Variants in ENKUR observed in about 807,000 individuals in gnomAD.
The protein encoded by ENKUR is enkurin.
In ENKUR, 19 loss-of-function variants were observed where a neutral mutation model predicts 27.6. The ratio of observed to expected loss-of-function variants is 0.69; its 90% CI spans 0.48 to 1.01. ENKUR has a LOEUF of 1.01. Among genes scored for constraint, ENKUR ranks in the 50% least tolerant of loss-of-function variants. The pLI, the probability that ENKUR is intolerant of heterozygous loss-of-function variation, is 0.00. For synonymous variants in ENKUR, 117 were observed against 96.9 expected, an observed-to-expected ratio of 1.21 and a Z score of -1.22; for missense variants, 312 against 310.5, an observed-to-expected ratio of 1.00 and a Z score of -0.04.
chr10:25,028,169 C>T (rs1433615152), intron 2 of ENKUR, among the ~76,000 whole-genome samples: 2 of 152,118 alleles, frequency 1.3e-5, no homozygotes, highest in African/African-American at 4.8e-5. Flanking sequence ...ATGAAATGCC[C>T]AAGGGTTCAT....
At chr10:25,059,280 C>T (rs374868081) in intron 2 of ENKUR, among the ~76,000 whole-genome samples, 39 of 151,564 alleles carry the variant, frequency 2.6e-4, no homozygotes, top group East Asian at 2.0e-3. Context: ...TACAGGTGCC[C>T]GCCACCACAC....
At chr10:25,016,959 G>A (rs1265555513), upstream of ENKUR, among the ~76,000 whole-genome samples, 1 of 152,130 alleles carries the variant, frequency 6.6e-6, no homozygotes, top group Non-Finnish European at 1.5e-5. Context: ...GCGCAGCCCT[G>A]CCCGCCACGT....
chr10:25,056,244 G>A (rs1176881654), intron 2 of ENKUR, among the ~76,000 whole-genome samples: 1 of 152,176 alleles, frequency 6.6e-6, no homozygotes, highest in East Asian at 1.9e-4. Flanking sequence ...AAGCACTTAT[G>A]TCACTCATAT....
intron 2 of ENKUR, among the ~76,000 whole-genome samples, chr10:25,041,960 G>A (rs1851069364): frequency 6.6e-6 from 1 of 152,032 alleles, no homozygotes; most frequent in Non-Finnish European, 1.5e-5. Flanking sequence ...CCAGACATTA[G>A]TTTTCTTTTG....
Position 24,983,592 on chromosome 10 carries a change from C to G in ENKUR, c.*778G>C, listed in dbSNP as rs1216671072. The G allele has an allele frequency of 6.6e-6, 1 of 152,118 alleles. No homozygotes were observed. The highest frequency in any genetic ancestry group is 1.5e-5 in the Non-Finnish European group (1 of 68,014). 9.4% of individuals were successfully genotyped at this position (152,118 alleles called of 1,614,324 possible). ...AAAGGAATAAAGATACTCATATGGA[C>G]AAGTTTCAAGTGAATTTTCAAAAAA... On this transcript the variant is annotated 3_prime_UTR_variant, in exon 6 of 6. Coordinates refer to ENST00000331161, the MANE Select transcript of ENKUR (RefSeq NM_145010.4).
intron 2 of ENKUR, among the ~76,000 whole-genome samples, chr10:25,043,410 T>C (rs1056724282): frequency 5.3e-5 from 8 of 152,310 alleles, no homozygotes; most frequent in Admixed American, 1.3e-4. Context: ...GTTGAATCTC[T>C]AATTAAAAAT....
At chr10:25,054,457 TTTTCTTTCTTTCTTTCTTTCTTTC>T (rs55635166) in intron 2 of ENKUR, among the ~76,000 whole-genome samples, 1 of 100,860 alleles carries the variant, frequency 9.9e-6, no homozygotes, top group African/African-American at 3.7e-5. Flanking sequence ...GTTTTTTCTC[TTTTCTTTCTTTCTTTCTTTCTTTC>T]TTTCTTTCTT....
At chr10:25,050,922 A>G (rs903673135) in intron 2 of ENKUR, among the ~76,000 whole-genome samples, 8 of 152,196 alleles carry the variant, frequency 5.3e-5, no homozygotes, top group Admixed American at 1.3e-4. Flanking sequence ...TAAAATTAAC[A>G]TGGGTCACCT....
intron 3 of ENKUR, among the ~76,000 whole-genome samples, chr10:24,992,933 T>C (rs1849957294): frequency 6.6e-6 from 1 of 152,174 alleles, no homozygotes; most frequent in Admixed American, 6.5e-5. Flanking sequence ...AGTACAATAA[T>C]GGAGCTTCAT....
intron 4 of ENKUR, among the ~76,000 whole-genome samples, chr10:24,989,775 A>G (rs1463464345): frequency 1.3e-5 from 2 of 152,226 alleles, no homozygotes; most frequent in African/African-American, 4.8e-5. Context: ...TGAAAAATAA[A>G]CAAAGAATTA....
Position 24,990,588 on chromosome 10 carries a change from A to T in ENKUR, c.469T>A (p.Tyr157Asn). ...ATTTCCTCGTTTCGCTTACATATGT[A>T]TTCAGGTGTGACACCATAATCCTAA... Reference protein sequence around the residue: ...NKKDYGVTPEYICKRNEEIKK... With the variant: ...NKKDYGVTPENICKRNEEIKK... The change falls in exon 4 of 6, where the codon TAC becomes AAC. Residue 157 changes from tyrosine (Y) to asparagine (N), a missense_variant. Physicochemically the swap from Tyr to Asn is moderately radical, Grantham distance 143. Coordinates refer to ENST00000331161, the MANE Select transcript of ENKUR (RefSeq NM_145010.4). The T allele has an allele frequency of 6.2e-7, 1 of 1,607,592 alleles. No homozygotes were observed. Among genetic ancestry groups the T allele is most frequent in the Non-Finnish European group, 8.5e-7 (1 of 1,178,648 alleles).
chr10:25,047,419 G>A (rs113815802), intron 2 of ENKUR, among the ~76,000 whole-genome samples: 2,011 of 152,208 alleles, frequency 0.013, 54 homozygotes, highest in African/African-American at 0.046. Context: ...TTCCTTCACC[G>A]TGCTTCTCAA....
At chr10:24,998,243 C>T (rs1421960645) in intron 2 of ENKUR, among the ~76,000 whole-genome samples, 2 of 152,058 alleles carry the variant, frequency 1.3e-5, no homozygotes, top group African/African-American at 4.8e-5. Context: ...ACATAAAAAG[C>T]CAACATTTTG....
chr10:25,015,864 G>C lies in ENKUR; in HGVS notation c.73C>G (p.Pro25Ala). 6.2e-7 allele frequency: 1 copy of C among 1,603,328 alleles called. No homozygotes were observed. The highest frequency in any genetic ancestry group is 8.5e-7 in the Non-Finnish European group (1 of 1,174,666). Residue 25 changes from proline (P) to alanine (A), a missense_variant, in exon 1 of 6, where the codon CCT (proline) becomes GCT (alanine). Coordinates refer to ENST00000331161, the MANE Select transcript of ENKUR (RefSeq NM_145010.4). ...AGTCTTTGCTTATCCACATACCTAG[G>C]AGGCTGGGGAGGCTCCTTCAAGTCA... ...PSDLKEPPQP[P>A]RYISIFKATV...
In ENKUR at chr10:24,984,828, C is replaced by G; in HGVS notation, c.672G>C (p.Lys224Asn). The G allele has an allele frequency of 6.2e-7, 1 of 1,613,722 alleles. No homozygotes were observed. Among genetic ancestry groups the G allele is most frequent in the African/African-American group, 1.3e-5 (1 of 74,994 alleles). Reference sequence around the variant, plus strand: ...CTTCTTCCAGCCTCTGCTTGCGGATCTTCTTTGGTATAGAATCTATAAAGA... The same window carrying G: ...CTTCTTCCAGCCTCTGCTTGCGGATGTTCTTTGGTATAGAATCTATAAAGA... ...LSVFIDSIPK[K>N]IRKQRLEEEM... Residue 224 changes from lysine (K) to asparagine (N), a missense_variant, in exon 5 of 6, where the codon AAG becomes AAC. Transcript: ENST00000331161.
chr10:24,999,202 T>C (rs1379383429), intron 2 of ENKUR, among the ~76,000 whole-genome samples, 199 bp downstream of exon 2: 1 of 152,202 alleles, frequency 6.6e-6, no homozygotes, highest in Non-Finnish European at 1.5e-5. Context: ...ATCTAAAGTC[T>C]ATTCTGGGGG....
chr10:24,995,589 A>G (rs1467873163), intron 3 of ENKUR, 57 bp downstream of exon 3: 2 of 1,420,676 alleles, frequency 1.4e-6, no homozygotes, highest in Admixed American at 1.9e-5. Context: ...ATCATCATGA[A>G]CACCATATTT....
chr10:25,024,560 G>C, intron 2 of ENKUR: 3 of 1,614,092 alleles, frequency 1.9e-6, no homozygotes, highest in Non-Finnish European at 2.5e-6. Context: ...GCTATAAAAA[G>C]AATTTTTAAT....
chr10:25,019,772 A>T (rs1026379062), upstream of ENKUR, among the ~76,000 whole-genome samples: 17 of 152,208 alleles, frequency 1.1e-4, no homozygotes, highest in African/African-American at 3.6e-4. Context: ...GAAAGAGAAG[A>T]GTGTCAAGAC....
Sources: gnomAD v4.1 joint callset for allele counts (sites outside exome capture counted in the v4.1 genomes callset) on GRCh38, gnomAD v4.1.1 for gene constraint, MANE v1.5 for transcripts, NCBI Gene and HGNC (gene_info 2026-07-23, HGNC 2026-07-21) for gene names.